Variants in UBE2W observed in about 807,000 individuals in gnomAD.
UBE2W encodes the protein ubiquitin-conjugating enzyme E2 W.
UBE2W carries 18 observed loss-of-function variants against 27.2 expected under a neutral mutation model. That is an observed-to-expected ratio of 0.66 (90% confidence interval 0.46 to 0.98). The LOEUF is 0.98. Ranked by LOEUF, UBE2W falls within the 50% of genes least tolerant of loss-of-function variation. The probability of loss-of-function intolerance (pLI) is 0.00; values close to 1 mark genes in which losing one functional copy is unlikely to be tolerated. For synonymous variants in UBE2W, 53 were observed against 57.2 expected (o/e 0.93, Z 0.33); for missense variants, 90 against 180.2 (o/e 0.50, Z 2.87).
chr8:73,819,224 C>A (rs1227021105), intron 3 of UBE2W, among the ~76,000 whole-genome samples: 1 of 152,302 alleles, frequency 6.6e-6, no homozygotes, highest in East Asian at 1.9e-4. Context: ...CCCTTCTGTA[C>A]TTTTCCCTCA....
chr8:73,853,371 G>A (rs900654665), intron 1 of UBE2W, among the ~76,000 whole-genome samples: 1 of 152,250 alleles, frequency 6.6e-6, no homozygotes, highest in East Asian at 1.9e-4. Context: ...TCCCTGCAAT[G>A]CTCCCGCCTC....
rs990144580 is a variant in UBE2W, at chr8:73,789,359, A to G, written c.*4743T>C. The G allele has an allele frequency of 3.9e-5, 8 of 205,668 alleles. No homozygotes were observed. The highest frequency in any genetic ancestry group is 2.0e-4 in the African/African-American group (8 of 40,742). The allele number at this position is 205,668 out of a possible 1,614,324, so 12.7% of individuals were successfully genotyped here. Reference sequence around the variant, plus strand: ...AAAAAAAAATTCTATCCATCCAGGCATGGTGGCACACACCTGTAGACTCAG... The same window carrying G: ...AAAAAAAAATTCTATCCATCCAGGCGTGGTGGCACACACCTGTAGACTCAG... On this transcript the variant is annotated 3_prime_UTR_variant, in exon 6 of 6. Transcript: ENST00000602593.
intron 1 of UBE2W, among the ~76,000 whole-genome samples, chr8:73,842,912 T>C (rs1241320315): frequency 2.0e-5 from 3 of 152,176 alleles, no homozygotes; most frequent in African/African-American, 7.2e-5. Flanking sequence ...TTATTCATAA[T>C]GCCAAAAAAC....
At chr8:73,811,996 A>AAATTT (rs1809171102) in intron 3 of UBE2W, among the ~76,000 whole-genome samples, 1 of 152,036 alleles carries the variant, frequency 6.6e-6, no homozygotes, top group Admixed American at 6.6e-5. Context: ...TTTTGTTACA[A>AAATTT]TGTTACAATT....
At chr8:73,866,853 A>G (rs1188002907) in intron 1 of UBE2W, among the ~76,000 whole-genome samples, 3 of 151,218 alleles carry the variant, frequency 2.0e-5, no homozygotes, top group Non-Finnish European at 3.0e-5. Flanking sequence ...ATCGAGACCA[A>G]AATCAGCTAG....
At chr8:73,805,587 T>G in intron 5 of UBE2W, 64 bp downstream of exon 5, 1 of 981,498 alleles carries the variant, frequency 1.0e-6, no homozygotes, top group Non-Finnish European at 1.4e-6. Context: ...CCAAGTCTTA[T>G]AGCAAATATA....
chr8:73,828,117 A>T (rs2130904730), intron 2 of UBE2W, among the ~76,000 whole-genome samples: 1 of 152,086 alleles, frequency 6.6e-6, no homozygotes, highest in South Asian at 2.1e-4. Context: ...ATGCAATGAG[A>T]CTACACGTGT....
At chr8:73,867,892 A>G (rs958513368) in intron 1 of UBE2W, among the ~76,000 whole-genome samples, 1 of 152,162 alleles carries the variant, frequency 6.6e-6, no homozygotes, top group Non-Finnish European at 1.5e-5. Context: ...CCACCATAAT[A>G]AACACTGGCC....
intron 1 of UBE2W, among the ~76,000 whole-genome samples, chr8:73,867,199 G>A (rs924975080): frequency 2.0e-5 from 3 of 151,930 alleles, no homozygotes; most frequent in African/African-American, 7.3e-5. Context: ...CCAGGAGTTC[G>A]AGACCAGCCT....
chr8:73,830,588 G>A (rs2130908624), intron 1 of UBE2W, 116 bp from the exon 2 acceptor site: 1 of 729,802 alleles, frequency 1.4e-6, no homozygotes, highest in East Asian at 2.7e-5. Flanking sequence ...TGGGCTCAAG[G>A]AATCCTCCCA....
intron 3 of UBE2W, among the ~76,000 whole-genome samples, chr8:73,817,050 G>C (rs1809418861): frequency 6.6e-6 from 1 of 151,404 alleles, no homozygotes; most frequent in Non-Finnish European, 1.5e-5. Context: ...AAGTGCCCAG[G>C]CATGGTGGCT....
At chr8:73,782,634 G>T (rs1807865452), downstream of UBE2W, among the ~76,000 whole-genome samples, 1 of 152,090 alleles carries the variant, frequency 6.6e-6, no homozygotes, top group Non-Finnish European at 1.5e-5. Flanking sequence ...ATTGTATGGA[G>T]AGTTGCTTAT....
chr8:73,865,969 T>C (rs1044148295), intron 1 of UBE2W, among the ~76,000 whole-genome samples: 4 of 152,104 alleles, frequency 2.6e-5, no homozygotes, highest in Admixed American at 2.0e-4. Context: ...TAAAGGCTTA[T>C]AGGTGAACAC....
intron 1 of UBE2W, among the ~76,000 whole-genome samples, chr8:73,849,779 G>C (rs1335460791): frequency 6.6e-6 from 1 of 151,724 alleles, no homozygotes; most frequent in African/African-American, 2.4e-5. Flanking sequence ...TTTTTTAAAA[G>C]ATATTACTAA....
At chr8:73,812,960 G>A (rs1331214089) in intron 3 of UBE2W, among the ~76,000 whole-genome samples, 2 of 149,196 alleles carry the variant, frequency 1.3e-5, no homozygotes, top group African/African-American at 4.9e-5. Context: ...AGCTGAGATC[G>A]CACCACCGCA....
chr8:73,785,425 A>G (rs28691157), downstream of UBE2W, among the ~76,000 whole-genome samples: 120,979 of 152,144 alleles, frequency 0.8, 48,153 homozygotes, highest in East Asian at 0.95. Context: ...TTACAGGTAT[A>G]AGCCATCATG....
At chr8:73,835,918 C>G (rs545642801) in intron 1 of UBE2W, among the ~76,000 whole-genome samples, 3 of 152,044 alleles carry the variant, frequency 2.0e-5, no homozygotes, top group Non-Finnish European at 4.4e-5. Context: ...GTAGGCAAAT[C>G]CTTCAATTCA....
chr8:73,834,277 T>C (rs1265033298), intron 1 of UBE2W, among the ~76,000 whole-genome samples: 2 of 152,236 alleles, frequency 1.3e-5, no homozygotes, highest in Admixed American at 1.3e-4. Context: ...TTTGCTTAAA[T>C]AATTTGTTTT....
At position 73,790,821 on chromosome 8, in the gene UBE2W, C is replaced by G. The variant is rs1427619474; in HGVS notation, c.*3281G>C. 1 of 984,660 alleles carries G rather than the reference C, an allele frequency of 1.0e-6. No individual in the cohort carries two copies. Among genetic ancestry groups the G allele is most frequent in the East Asian group, 1.1e-4 (1 of 8,824 alleles). The allele number at this position is 984,660 out of a possible 1,614,324, so 61.0% of individuals were successfully genotyped here. ...ATCACTACTCATTTCCATTATTTAC[C>G]AATTCATCTTTGATGCAACTTGGAA... On this transcript the variant is annotated 3_prime_UTR_variant, in exon 6 of 6. Coordinates refer to ENST00000602593, the MANE Select transcript of UBE2W (RefSeq NM_018299.6).
Sources: allele counts gnomAD v4.1 joint callset (sites outside exome capture counted in the v4.1 genomes callset), GRCh38; gene constraint gnomAD v4.1.1; transcripts MANE v1.5; gene names NCBI Gene and HGNC (gene_info 2026-07-23, HGNC 2026-07-21).